Variants in CCDC178 observed in about 807,000 individuals in gnomAD.
CCDC178 encodes the protein coiled-coil domain containing 178.
In CCDC178, 126 loss-of-function variants were observed where a neutral mutation model predicts 117.4. That is an observed-to-expected ratio of 1.07 (90% confidence interval 0.93 to 1.24). CCDC178 has a LOEUF of 1.24. Ranked by LOEUF, CCDC178 falls within the 50% of genes most tolerant of loss-of-function variation. CCDC178 has a pLI of 0.00. For synonymous variants in CCDC178, 283 were observed against 313.4 expected (o/e 0.90, Z 1.02); for missense variants, 1,030 against 986.9 (o/e 1.04, Z -0.59).
chr18:32,980,640 C>G (rs1168835095), intron 21 of CCDC178, among the ~76,000 whole-genome samples: 1 of 138,340 alleles, frequency 7.2e-6, no homozygotes. Context: ...ACCAGAAAAA[C>G]ATGGGCAAAT....
chr18:33,086,814 T>A (rs1392452223), intron 21 of CCDC178, among the ~76,000 whole-genome samples: 1 of 151,984 alleles, frequency 6.6e-6, no homozygotes, highest in African/African-American at 2.4e-5. Context: ...TTTTGGTGTG[T>A]GTGAAGGGGA....
chr18:32,961,603 G>A (rs1374679647), intron 22 of CCDC178, among the ~76,000 whole-genome samples: 1 of 152,130 alleles, frequency 6.6e-6, no homozygotes, highest in African/African-American at 2.4e-5. Context: ...CACAGACAGA[G>A]CAGGGAATAG....
chr18:33,148,567 C>T (rs1048039628), intron 20 of CCDC178, among the ~76,000 whole-genome samples: 1 of 152,028 alleles, frequency 6.6e-6, no homozygotes, highest in Non-Finnish European at 1.5e-5. Context: ...ACCAAGATTT[C>T]AAGATCTCAG....
intron 21 of CCDC178, among the ~76,000 whole-genome samples, chr18:33,086,246 T>C (rs2057376310): frequency 6.6e-6 from 1 of 151,878 alleles, no homozygotes; most frequent in African/African-American, 2.4e-5. Flanking sequence ...TATTTGAAAA[T>C]ATTCCAAATT....
intron 21 of CCDC178, among the ~76,000 whole-genome samples, chr18:33,032,229 C>T: frequency 6.6e-6 from 1 of 151,786 alleles, no homozygotes; most frequent in East Asian, 1.9e-4. Flanking sequence ...AACTGAGATC[C>T]TTGTTTTGTT....
chr18:33,176,072 C>G (rs551610020), intron 20 of CCDC178, among the ~76,000 whole-genome samples: 24 of 152,224 alleles, frequency 1.6e-4, no homozygotes, highest in African/African-American at 4.8e-4. Context: ...CCACACACCC[C>G]CTCCTCCAGC....
intron 20 of CCDC178, among the ~76,000 whole-genome samples, chr18:33,211,140 A>G (rs1433107709): frequency 6.6e-6 from 1 of 151,876 alleles, no homozygotes; most frequent in Non-Finnish European, 1.5e-5. Flanking sequence ...ATATTATGAT[A>G]CTACATATAC....
chr18:33,129,471 GA>G (rs2058046361), intron 20 of CCDC178, among the ~76,000 whole-genome samples: 1 of 151,816 alleles, frequency 6.6e-6, no homozygotes, highest in South Asian at 2.1e-4. Context: ...TTATGCCCTT[GA>G]AAAAAAGTGG....
At chr18:33,127,275 A>C (rs1482822196) in intron 20 of CCDC178, among the ~76,000 whole-genome samples, 1 of 152,122 alleles carries the variant, frequency 6.6e-6, no homozygotes, top group Non-Finnish European at 1.5e-5. Flanking sequence ...TTTCATAGTA[A>C]CACTACAAAT....
At chr18:33,274,094 T>C (rs2144794512) in intron 12 of CCDC178, among the ~76,000 whole-genome samples, 1 of 151,832 alleles carries the variant, frequency 6.6e-6, no homozygotes, top group South Asian at 2.1e-4. Flanking sequence ...TGAATAGACA[T>C]TTCTCCAAAG....
intron 21 of CCDC178, among the ~76,000 whole-genome samples, chr18:33,016,515 T>C (rs4312380): frequency 6.6e-6 from 1 of 151,962 alleles, no homozygotes; most frequent in Non-Finnish European, 1.5e-5. Context: ...GTAACTCTTT[T>C]CTTCTTTTCA....
chr18:33,401,271 G>GCTGCCCATA (rs1341103530), intron 3 of CCDC178, among the ~76,000 whole-genome samples: 23 of 152,300 alleles, frequency 1.5e-4, no homozygotes. Flanking sequence ...TTAGAAAAAT[G>GCTGCCCATA]CTGCCCATAG....
At chr18:33,328,427 T>C (rs1464352013) in intron 10 of CCDC178, among the ~76,000 whole-genome samples, 2 of 152,126 alleles carry the variant, frequency 1.3e-5, no homozygotes, top group Non-Finnish European at 2.9e-5. Context: ...TTAAGAGTTG[T>C]ATAGTTTAAG....
chr18:33,084,189 C>A (rs1296770320), intron 21 of CCDC178, among the ~76,000 whole-genome samples: 1 of 152,158 alleles, frequency 6.6e-6, no homozygotes, highest in African/African-American at 2.4e-5. Context: ...AATATTCCCT[C>A]ATTTTCTCCA....
chr18:33,140,705 A>T (rs1315376934), intron 20 of CCDC178, among the ~76,000 whole-genome samples: 1 of 150,338 alleles, frequency 6.7e-6, no homozygotes, highest in African/African-American at 2.4e-5. Context: ...GCCTTGTCTC[A>T]GATGAGACAT....
chr18:33,053,502 T>C (rs879389196), intron 21 of CCDC178, among the ~76,000 whole-genome samples: 11 of 152,308 alleles, frequency 7.2e-5, no homozygotes, highest in Non-Finnish European at 1.5e-4. Context: ...ATTAAGAATA[T>C]GTTCAGTTGT....
At chr18:33,326,786 A>T (rs1239246007) in intron 10 of CCDC178, among the ~76,000 whole-genome samples, 1 of 151,662 alleles carries the variant, frequency 6.6e-6, no homozygotes, top group East Asian at 2.0e-4. Flanking sequence ...CCTCTGGCCT[A>T]ACTTGAAGGC....
rs112000270 is a variant in CCDC178, at chr18:33,084,249, G to A, written c.2388+8512C>T. On this transcript the variant is annotated intron_variant, in intron 21 of 22. Transcript: ENST00000383096. ...TCCAGTACAGAATGGTTTTATCAGC[G>A]TCCAAAAAATATTCTTTTAATTTGT... Among the ~76,000 whole-genome samples, 11 of 152,084 alleles carry A rather than the reference G, an allele frequency of 7.2e-5. No homozygotes were observed. In the South Asian group the frequency reaches 8.3e-4, roughly 11 times the overall value.
intron 2 of CCDC178, among the ~76,000 whole-genome samples, chr18:33,423,972 A>C (rs914712719): frequency 6.6e-6 from 1 of 152,162 alleles, no homozygotes; most frequent in Non-Finnish European, 1.5e-5. Context: ...ATGTTATTTT[A>C]ATAGCTTTGA....
Sources: allele counts gnomAD v4.1 joint callset (sites outside exome capture counted in the v4.1 genomes callset), GRCh38; gene constraint gnomAD v4.1.1; transcripts MANE v1.5; gene names NCBI Gene and HGNC (gene_info 2026-07-23, HGNC 2026-07-21).